Variants in TBC1D5 observed in about 807,000 individuals in gnomAD.
TBC1D5 encodes TBC1 domain family, member 5.
In TBC1D5, 75 loss-of-function variants were observed where a neutral mutation model predicts 100.3. That is an observed-to-expected ratio of 0.75 (90% CI 0.62 to 0.91). The LOEUF is 0.91. TBC1D5 is among the 40% of genes least tolerant of loss of function. The pLI is 0.00. For synonymous variants in TBC1D5, 323 were observed against 325.6 expected, an observed-to-expected ratio of 0.99 and a Z score of 0.09; for missense variants, 910 against 942.4, an observed-to-expected ratio of 0.97 and a Z score of 0.45.
intron 3 of TBC1D5, among the ~76,000 whole-genome samples, chr3:17,445,397 A>C (rs114993883): frequency 0.022 from 3,423 of 152,232 alleles, 122 homozygotes; most frequent in African/African-American, 0.077. Context: ...ACTTTTGTGA[A>C]ATAATAAAAA....
At chr3:17,391,994 T>C (rs2093363787) in intron 8 of TBC1D5, among the ~76,000 whole-genome samples, 2 of 152,032 alleles carry the variant, frequency 1.3e-5, no homozygotes, top group African/African-American at 4.8e-5. Flanking sequence ...GGTTTGAAAA[T>C]AAAGCTTTTT....
chr3:17,262,109 G>C (rs1471549423), intron 15 of TBC1D5, among the ~76,000 whole-genome samples: 1 of 152,162 alleles, frequency 6.6e-6, no homozygotes, highest in Non-Finnish European at 1.5e-5. Flanking sequence ...GATACGTCCT[G>C]AGAAATGTGT....
intron 1 of TBC1D5, among the ~76,000 whole-genome samples, chr3:17,637,004 C>A (rs1479386192): frequency 2.0e-5 from 3 of 151,178 alleles, no homozygotes. Context: ...AAATTTAAAC[C>A]TAAGAAATAA....
chr3:17,201,569 C>T (rs957691763), intron 18 of TBC1D5, among the ~76,000 whole-genome samples: 1 of 152,156 alleles, frequency 6.6e-6, no homozygotes, highest in Non-Finnish European at 1.5e-5. Context: ...GCCCAAATCT[C>T]ATCTTGAACT....
chr3:17,713,050 T>C (rs539497569), intron 1 of TBC1D5, among the ~76,000 whole-genome samples: 4 of 152,290 alleles, frequency 2.6e-5, no homozygotes, highest in South Asian at 2.1e-4. Context: ...CTCTCTTTAC[T>C]TGATTTATCT....
chr3:17,241,501 GTCTA>G (rs2076301552), intron 16 of TBC1D5, among the ~76,000 whole-genome samples: 2 of 152,232 alleles, frequency 1.3e-5, no homozygotes, highest in South Asian at 2.1e-4. Context: ...CATTACTATT[GTCTA>G]TCTACTGTTA....
intron 3 of TBC1D5, 122 bp from the exon 4 acceptor site, chr3:17,428,641 A>C (rs774360928): frequency 1.2e-5 from 4 of 323,582 alleles, no homozygotes; most frequent in Admixed American, 9.8e-5. Flanking sequence ...CCCCTTCCCC[A>C]AATTATCTTT....
At chr3:17,374,961 C>T (rs1042198694) in intron 10 of TBC1D5, among the ~76,000 whole-genome samples, 1 of 152,066 alleles carries the variant, frequency 6.6e-6, no homozygotes, top group African/African-American at 2.4e-5. Flanking sequence ...TATGATTCAT[C>T]TAGAATAATC....
At chr3:17,356,843 G>T (rs554526837) in intron 13 of TBC1D5, among the ~76,000 whole-genome samples, 5 of 152,164 alleles carry the variant, frequency 3.3e-5, no homozygotes, top group Non-Finnish European at 5.9e-5. Context: ...CCATTCTCTT[G>T]GGACTTTCTT....
intron 15 of TBC1D5, among the ~76,000 whole-genome samples, chr3:17,291,527 C>A (rs2081737712): frequency 6.6e-6 from 1 of 152,134 alleles, no homozygotes; most frequent in South Asian, 2.1e-4. Flanking sequence ...CTTCATATGG[C>A]CCCCAAGGTT....
At chr3:17,387,453 T>C (rs2093199455) in intron 8 of TBC1D5, among the ~76,000 whole-genome samples, 2 of 152,086 alleles carry the variant, frequency 1.3e-5, no homozygotes, top group Admixed American at 6.6e-5. Context: ...TGAATATACC[T>C]AGACAATAAC....
chr3:17,202,059 G>A (rs2125820626), intron 18 of TBC1D5, among the ~76,000 whole-genome samples: 1 of 152,274 alleles, frequency 6.6e-6, no homozygotes, highest in African/African-American at 2.4e-5. Context: ...GGAACTTCCT[G>A]GAAACTTGTT....
chr3:17,252,881 A>T (rs1016224088), intron 16 of TBC1D5, among the ~76,000 whole-genome samples: 9 of 152,216 alleles, frequency 5.9e-5, no homozygotes, highest in African/African-American at 2.2e-4. Context: ...TTGTGAAATG[A>T]ATGAATACTT....
At chr3:17,570,122 A>T (rs1237744362) in intron 2 of TBC1D5, among the ~76,000 whole-genome samples, 1 of 151,950 alleles carries the variant, frequency 6.6e-6, no homozygotes, top group African/African-American at 2.4e-5. Context: ...AAACATACAG[A>T]CTCTGTAAGT....
chr3:17,229,443 C>A (rs910435152), intron 17 of TBC1D5, among the ~76,000 whole-genome samples: 2 of 152,062 alleles, frequency 1.3e-5, no homozygotes. Flanking sequence ...GGATTGGGTA[C>A]CTGCATGCAA....
chr3:17,625,569 C>T (rs893419497), intron 1 of TBC1D5, among the ~76,000 whole-genome samples: 1 of 152,022 alleles, frequency 6.6e-6, no homozygotes, highest in African/African-American at 2.4e-5. Flanking sequence ...ACTGAGAATA[C>T]AGAAGGCATA....
intron 3 of TBC1D5, among the ~76,000 whole-genome samples, chr3:17,455,773 A>G (rs1410618400): frequency 1.3e-5 from 2 of 152,122 alleles, no homozygotes; most frequent in Non-Finnish European, 2.9e-5. Context: ...TGGGAGGCAG[A>G]GTTGCAGGCA....
exon 17 of TBC1D5, chr3:17,238,304 G>T: frequency 1.2e-6 from 2 of 1,614,006 alleles, no homozygotes; most frequent in Non-Finnish European, 1.7e-6. Flanking sequence ...TTGCCTCCAG[G>T]TACAGGGCCA....
In TBC1D5 at chr3:17,157,242, A is replaced by C. The variant is rs897313665; in HGVS notation, c.*3721T>G. On this transcript the variant is annotated 3_prime_UTR_variant, in exon 22 of 22. Coordinates refer to ENST00000253692, the Ensembl canonical transcript of TBC1D5. Reference sequence around the variant, plus strand: ...AAAAGGAGAAATCATTTCTTAAATCAGTATGAGTTATAGCATAAAGATGGA... The same window carrying C: ...AAAAGGAGAAATCATTTCTTAAATCCGTATGAGTTATAGCATAAAGATGGA... 7 of 152,266 alleles carry C rather than the reference A, an allele frequency of 4.6e-5. No homozygotes were observed. In the East Asian group the frequency reaches 1.3e-3, roughly 29 times the overall value. The allele number at this position is 152,266 out of a possible 1,614,324, so 9.4% of individuals were successfully genotyped here.
Sources: gnomAD v4.1 joint callset for allele counts (sites outside exome capture counted in the v4.1 genomes callset) on GRCh38, gnomAD v4.1.1 for gene constraint, MANE v1.5 for transcripts, NCBI Gene and HGNC (gene_info 2026-07-23, HGNC 2026-07-21) for gene names.